The following DRC11 variants were observed in gnomAD, a reference collection of about 807,000 sequenced individuals.
DRC11 encodes the protein IQ and AAA domain-containing protein 1.
the DRC11 span, among the ~76,000 whole-genome samples, chr2:236,400,973 G>A: frequency 6.6e-6 from 1 of 152,142 alleles, no homozygotes; most frequent in East Asian, 1.9e-4. This position sits in a 1 kb window ranked among gnomAD's most constrained non-coding sequence, Gnocchi z 7.9. Flanking sequence ...GTTGGCTAAC[G>A]CAGGGTCACT....
At chr2:236,357,262 TATAA>T in the DRC11 span, among the ~76,000 whole-genome samples, 1 of 87,246 alleles carries the variant, frequency 1.1e-5, no homozygotes, top group East Asian at 2.7e-4. Flanking sequence ...ATCTATATAT[TATAA>T]ATATACATAT....
At chr2:236,345,496 C>T in the DRC11 span, among the ~76,000 whole-genome samples, 7 of 152,290 alleles carry the variant, frequency 4.6e-5, no homozygotes, top group South Asian at 4.1e-4. Context: ...TGGCCGTTCC[C>T]GGGTTTATTC....
the DRC11 span, among the ~76,000 whole-genome samples, chr2:236,436,958 T>C: frequency 6.6e-6 from 1 of 152,124 alleles, no homozygotes; most frequent in African/African-American, 2.4e-5. Context: ...ATTATTATTA[T>C]ACTTTAAATT....
chr2:236,340,491 G>C, the DRC11 span, among the ~76,000 whole-genome samples: 2 of 152,170 alleles, frequency 1.3e-5, no homozygotes, highest in Non-Finnish European at 2.9e-5. Context: ...GTGGGTTGAG[G>C]GGTGAGTAGG....
the DRC11 span, chr2:236,465,649 C>T: frequency 2.8e-5 from 45 of 1,613,662 alleles, no homozygotes; most frequent in Middle Eastern, 1.6e-4. This position sits in a 1 kb window ranked among gnomAD's most constrained non-coding sequence, Gnocchi z 6.2. Context: ...ATTCCGCAGG[C>T]GGTCCACCTT....
At chr2:236,507,144 T>C in the DRC11 span, 1 of 1,077,724 alleles carries the variant, frequency 9.3e-7, no homozygotes, top group Non-Finnish European at 1.4e-6. Flanking sequence ...GGAGGGAAGT[T>C]GAGAGGGGAG....
chr2:236,340,808 CA>C, the DRC11 span, among the ~76,000 whole-genome samples: 1 of 152,178 alleles, frequency 6.6e-6, no homozygotes, highest in East Asian at 1.9e-4. Flanking sequence ...ATCTGGATGA[CA>C]AACGTTGATT....
the DRC11 span, among the ~76,000 whole-genome samples, chr2:236,342,114 C>T: frequency 1.3e-4 from 20 of 152,256 alleles, no homozygotes; most frequent in African/African-American, 2.2e-4. This position sits in a 1 kb window ranked among gnomAD's most constrained non-coding sequence, Gnocchi z 5.8. Context: ...GCAGAGGGGC[C>T]GGAGGGTGCA....
chr2:236,428,007 G>A, the DRC11 span, among the ~76,000 whole-genome samples: 1 of 152,030 alleles, frequency 6.6e-6, no homozygotes, highest in Non-Finnish European at 1.5e-5. Context: ...TTGTTTAGGA[G>A]CATGTTGTTA....
At chr2:236,505,636 C>G in the DRC11 span, among the ~76,000 whole-genome samples, 2 of 152,120 alleles carry the variant, frequency 1.3e-5, no homozygotes, top group Admixed American at 6.5e-5. Flanking sequence ...TCACCATCAT[C>G]TTCCATCTAC....
At chr2:236,311,698 G>A in the DRC11 span, among the ~76,000 whole-genome samples, 2 of 57,938 alleles carry the variant, frequency 3.5e-5, no homozygotes, top group Non-Finnish European at 6.1e-5. This position sits in a 1 kb window ranked among gnomAD's most constrained non-coding sequence, Gnocchi z 6.9. Flanking sequence ...GATGGGGTGC[G>A]TGTGTGTGTG....
the DRC11 span, chr2:236,324,631 C>G: frequency 2.0e-6 from 2 of 1,021,910 alleles, no homozygotes; most frequent in Non-Finnish European, 3.0e-6. The surrounding 1 kb of genome is among the most constrained non-coding windows in gnomAD (Gnocchi z 5.7). Flanking sequence ...CAGAGAGACT[C>G]AAGCATGGTT....
the DRC11 span, among the ~76,000 whole-genome samples, chr2:236,427,443 A>G: frequency 1.3e-5 from 2 of 151,974 alleles, no homozygotes; most frequent in African/African-American, 4.8e-5. The surrounding 1 kb of genome is among the most constrained non-coding windows in gnomAD (Gnocchi z 5.9). Context: ...TACTGATTCA[A>G]TTTCTCTACT....
At chr2:236,383,430 C>G in the DRC11 span, among the ~76,000 whole-genome samples, 1 of 152,068 alleles carries the variant, frequency 6.6e-6, no homozygotes, top group Non-Finnish European at 1.5e-5. Flanking sequence ...TATCTATTCT[C>G]TATTTCATGG....
chr2:236,446,625 T>G, the DRC11 span, among the ~76,000 whole-genome samples: 1 of 152,186 alleles, frequency 6.6e-6, no homozygotes, highest in African/African-American at 2.4e-5. This position sits in a 1 kb window ranked among gnomAD's most constrained non-coding sequence, Gnocchi z 6.2. Flanking sequence ...TGGACACACA[T>G]GTTCACCAAC....
At chr2:236,443,415 C>A in the DRC11 span, among the ~76,000 whole-genome samples, 1 of 152,172 alleles carries the variant, frequency 6.6e-6, no homozygotes, top group South Asian at 2.1e-4. This position sits in a 1 kb window ranked among gnomAD's most constrained non-coding sequence, Gnocchi z 4.4. Context: ...CTCCATGTGT[C>A]TGTGGGGGAC....
chr2:236,351,813 A>G, the DRC11 span, among the ~76,000 whole-genome samples: 3 of 151,852 alleles, frequency 2.0e-5, no homozygotes, highest in Non-Finnish European at 4.4e-5. The surrounding 1 kb of genome is among the most constrained non-coding windows in gnomAD (Gnocchi z 7.3). Context: ...CCTCAATGAC[A>G]GTGGGTTGTG....
At chr2:236,503,619 C>G in the DRC11 span, 81 of 1,549,618 alleles carry the variant, frequency 5.2e-5, no homozygotes, top group Non-Finnish European at 6.9e-5. This position sits in a 1 kb window ranked among gnomAD's most constrained non-coding sequence, Gnocchi z 4.9. Context: ...ACACGGATCC[C>G]TGCATCATTA....
chr2:236,440,383 A>G, the DRC11 span, among the ~76,000 whole-genome samples: 1 of 152,200 alleles, frequency 6.6e-6, no homozygotes, highest in African/African-American at 2.4e-5. Context: ...CATTTTGACA[A>G]TGCCTCTAAT....
Sources: allele counts gnomAD v4.1 joint callset (sites outside exome capture counted in the v4.1 genomes callset), GRCh38; gene constraint gnomAD v4.1.1; non-coding constraint Gnocchi (gnomAD v3.1); transcripts MANE v1.5; gene names NCBI Gene and HGNC (gene_info 2026-07-23, HGNC 2026-07-21).